YBX1: variants seen among roughly 807,000 people sequenced by gnomAD.
The protein encoded by YBX1 is Y-box-binding protein 1.
A neutral mutation model predicts 41.4 loss-of-function variants in YBX1; 3 were observed. The ratio of observed to expected loss-of-function variants is 0.07; its 90% CI spans 0.03 to 0.19. The LOEUF is 0.19. YBX1 is among the 10% of genes least tolerant of loss of function. YBX1 has a pLI of 1.00. For missense variants in YBX1, 274 were observed against 462.8 expected (o/e 0.59, Z 3.74); for synonymous variants, 133 against 165.8 (o/e 0.80, Z 1.52).
chr1:42,686,378 C>A (rs1650197613), intron 2 of YBX1, among the ~76,000 whole-genome samples: 1 of 152,072 alleles, frequency 6.6e-6, no homozygotes, highest in South Asian at 2.1e-4. Flanking sequence ...CCAAGTAATC[C>A]AGATTATTAT....
rs142270236 is a variant in YBX1 at position 42,698,283 on chromosome 1, C to T, written c.740+1021C>T. Among the ~76,000 whole-genome samples the T allele has an allele frequency of 3.5e-3, 540 of 152,300 alleles. 6 individuals are homozygous for T. Among genetic ancestry groups the T allele is most frequent in the South Asian group, 0.033 (157 of 4,818 alleles). The stretch of plus-strand genomic sequence containing the variant: ...ATGTACATTGAGAGTTTTGCAAGAG[C>T]AGCTGATGTCATCATATTTTTTGTA... On this transcript the variant is annotated intron_variant, in intron 6 of 7. Coordinates refer to ENST00000321358, the MANE Select transcript of YBX1 (RefSeq NM_004559.5).
chr1:42,683,538 T>A (rs1321432898), intron 2 of YBX1, 72 bp downstream of exon 2: 17 of 1,561,840 alleles, frequency 1.1e-5, no homozygotes, highest in Non-Finnish European at 1.5e-5. Flanking sequence ...TTCTCGGGGC[T>A]TGGGAAGCCC....
rs910747979 is a variant in YBX1 at position 42,702,666 on chromosome 1, C to T, written c.*717C>T. ...AAAAGGGCATTGCTCTAGCCTAGAC[C>T]GACCAGACTCTCATCCTGCTCCACT... On this transcript the variant is annotated 3_prime_UTR_variant, in exon 8 of 8. Coordinates refer to ENST00000321358, the MANE Select transcript of YBX1 (RefSeq NM_004559.5). 1.3e-5 allele frequency among the ~76,000 whole-genome samples: 2 copies of T among 152,102 alleles called. No homozygotes were observed. The highest frequency in any genetic ancestry group is 4.8e-5 in the African/African-American group (2 of 41,414).
chr1:42,689,813 G>A (rs145674221), intron 2 of YBX1, among the ~76,000 whole-genome samples: 59 of 152,190 alleles, frequency 3.9e-4, no homozygotes, highest in Non-Finnish European at 6.2e-4. Flanking sequence ...GTTGCATTTT[G>A]TCTATTTTTA....
chr1:42,697,320 A>AAT, intron 6 of YBX1, 58 bp downstream of exon 6: 3 of 1,542,050 alleles, frequency 1.9e-6, no homozygotes, highest in Non-Finnish European at 2.7e-6. Context: ...GTTAGGACTC[A>AAT]GCAATATCAT....
intron 2 of YBX1, among the ~76,000 whole-genome samples, chr1:42,690,003 A>G (rs993822947): frequency 2.6e-5 from 4 of 152,162 alleles, no homozygotes; most frequent in East Asian, 3.8e-4. Context: ...TTTTGCAGGT[A>G]AAAAAGCCAA....
chr1:42,703,121 G>A lies in YBX1; in HGVS notation c.*1172G>A, dbSNP rs891451260. Among the ~76,000 whole-genome samples the A allele has an allele frequency of 6.6e-6, 1 of 152,064 alleles. No homozygotes were observed. Among genetic ancestry groups the A allele is most frequent in the Non-Finnish European group, 1.5e-5 (1 of 68,000 alleles). On this transcript the variant is annotated 3_prime_UTR_variant, in exon 8 of 8. Transcript: ENST00000321358. The stretch of plus-strand genomic sequence containing the variant: ...TTGTATTTTTAATAGAGATGGGGTT[G>A]CACTGTGTTAGCCAGGATGGTCTTG...
intron 2 of YBX1, among the ~76,000 whole-genome samples, chr1:42,687,377 A>T (rs941289942): frequency 6.6e-6 from 1 of 151,816 alleles, no homozygotes; most frequent in Non-Finnish European, 1.5e-5. Flanking sequence ...TCCGCCTCCC[A>T]GGTTCAAGCG....
intron 3 of YBX1, among the ~76,000 whole-genome samples, chr1:42,694,409 A>G (rs948248554): frequency 8.1e-6 from 1 of 123,958 alleles, no homozygotes; most frequent in African/African-American, 2.8e-5. Flanking sequence ...TTGTGCTATC[A>G]GTTTTCTCAC....
rs951970735 is a variant in YBX1 at position 42,703,382 on chromosome 1, C to G, written c.*1433C>G. Reference sequence around the variant, plus strand: ...GCAGACAGTAGGGGTCGGGAGTAGGCCAGAGTGGCACATCAGGAATCCTGC... The same window carrying G: ...GCAGACAGTAGGGGTCGGGAGTAGGGCAGAGTGGCACATCAGGAATCCTGC... On this transcript the variant is annotated 3_prime_UTR_variant, in exon 8 of 8. Coordinates refer to ENST00000321358, the MANE Select transcript of YBX1 (RefSeq NM_004559.5). Among the ~76,000 whole-genome samples the G allele has an allele frequency of 1.3e-5, 2 of 152,010 alleles. No homozygotes were observed. The highest frequency in any genetic ancestry group is 2.9e-5 in the Non-Finnish European group (2 of 68,010).
chr1:42,692,940 T>C (rs1039206153), intron 2 of YBX1, among the ~76,000 whole-genome samples: 17 of 152,200 alleles, frequency 1.1e-4, no homozygotes, highest in African/African-American at 4.1e-4. Flanking sequence ...ACTTGTGGAG[T>C]AGCTTTTATA....
intron 6 of YBX1, 102 bp from the exon 7 acceptor site, chr1:42,700,679 G>C (rs1484343491): frequency 8.9e-7 from 1 of 1,117,468 alleles, no homozygotes; most frequent in Non-Finnish European, 1.3e-6. Flanking sequence ...ATACAGAATG[G>C]GCCAGACATG....
intron 7 of YBX1, 122 bp from the exon 8 acceptor site, chr1:42,701,859 C>T (rs565616999): frequency 5.2e-5 from 8 of 152,616 alleles, no homozygotes; most frequent in African/African-American, 1.4e-4. Context: ...TTACTATTTG[C>T]TGGATGGCAA....
At position 42,701,006 on chromosome 1, in the gene YBX1, G is replaced by A; in HGVS notation, c.966G>A (p.Gly322=). 3 of 1,614,096 alleles carry A rather than the reference G, an allele frequency of 1.9e-6. No homozygotes were observed. The highest frequency in any genetic ancestry group is 2.5e-6 in the Non-Finnish European group (3 of 1,180,006). The change falls in exon 7 of 8, where the codon GGG becomes GGA. Residue 322 remains glycine, a synonymous_variant. Transcript: ENST00000321358. ...CCGCTCCCGAGGCTGAGCAGGGCGG[G>A]GCTGAGTAAATGCCGGCTTACCATC... ...NSSAPEAEQG[G]AE is the part of the protein sequence containing the mutation.
chr1:42,683,683 G>T (rs1208570300), intron 2 of YBX1, among the ~76,000 whole-genome samples: 1 of 152,202 alleles, frequency 6.6e-6, no homozygotes, highest in Non-Finnish European at 1.5e-5. Context: ...ATATTAATTT[G>T]AAGCTAACTT....
intron 3 of YBX1, among the ~76,000 whole-genome samples, chr1:42,694,395 A>G (rs1290371213): frequency 7.5e-6 from 1 of 133,894 alleles, no homozygotes; most frequent in Non-Finnish European, 1.7e-5. Context: ...AGGAAAAAAT[A>G]TGTTTGTGCT....
At chr1:42,691,059 C>T (rs1242887943) in intron 2 of YBX1, among the ~76,000 whole-genome samples, 1 of 152,204 alleles carries the variant, frequency 6.6e-6, no homozygotes, top group Admixed American at 6.5e-5. Flanking sequence ...TTTGTTATAA[C>T]TGCCAGTTTA....
At chr1:42,690,544 A>T (rs780539863) in intron 2 of YBX1, among the ~76,000 whole-genome samples, 13 of 152,048 alleles carry the variant, frequency 8.5e-5, no homozygotes, top group Non-Finnish European at 1.6e-4. Flanking sequence ...AATGCAGGGC[A>T]CTCCTGTGAC....
At chr1:42,691,874 T>G (rs964643326) in intron 2 of YBX1, among the ~76,000 whole-genome samples, 9 of 152,202 alleles carry the variant, frequency 5.9e-5, no homozygotes, top group Non-Finnish European at 1.2e-4. Flanking sequence ...TTTTTTTATT[T>G]TTTTTGAGAT....
Sources: allele counts gnomAD v4.1 joint callset (sites outside exome capture counted in the v4.1 genomes callset), GRCh38; gene constraint gnomAD v4.1.1; transcripts MANE v1.5; gene names NCBI Gene and HGNC (gene_info 2026-07-23, HGNC 2026-07-21).